Variants in DLGAP4 observed in about 807,000 individuals in gnomAD.
The protein encoded by DLGAP4 is disks large-associated protein 4.
A neutral mutation model predicts 86.9 loss-of-function variants in DLGAP4; 18 were observed. That is an observed-to-expected ratio of 0.21 (90% CI 0.14 to 0.31). The LOEUF is 0.31. Among genes scored for constraint, DLGAP4 ranks in the 10% least tolerant of loss-of-function variants. The probability of loss-of-function intolerance (pLI) is 1.00; values close to 1 mark genes in which losing one functional copy is unlikely to be tolerated. For missense variants in DLGAP4, 1,085 were observed against 1,362.6 expected (o/e 0.80, Z 3.21); for synonymous variants, 548 against 574.3 (o/e 0.95, Z 0.65).
chr20:36,335,966 G>A (rs951951746), intron 1 of DLGAP4, among the ~76,000 whole-genome samples: 9 of 152,164 alleles, frequency 5.9e-5, no homozygotes, highest in African/African-American at 1.2e-4. Context: ...GAATATTGTC[G>A]AGTGAAGGAT....
intron 7 of DLGAP4, among the ~76,000 whole-genome samples, chr20:36,484,907 T>C (rs1221499519): frequency 6.6e-6 from 1 of 152,266 alleles, no homozygotes; most frequent in Non-Finnish European, 1.5e-5. Context: ...AGGAGTTTTT[T>C]TGCCAATTGA....
At chr20:36,327,534 G>T (rs1555891093) in intron 1 of DLGAP4, among the ~76,000 whole-genome samples, 1 of 151,652 alleles carries the variant, frequency 6.6e-6, no homozygotes, top group African/African-American at 2.4e-5. Context: ...TAGGCCGAGG[G>T]ATACCTGCAT....
chr20:36,484,284 G>A (rs2035313840), intron 7 of DLGAP4, among the ~76,000 whole-genome samples: 1 of 152,236 alleles, frequency 6.6e-6, no homozygotes, highest in African/African-American at 2.4e-5. Context: ...ACAGCCAGCA[G>A]ACAGCTTCCC....
At chr20:36,328,037 A>C (rs2065233480) in intron 1 of DLGAP4, among the ~76,000 whole-genome samples, 1 of 151,464 alleles carries the variant, frequency 6.6e-6, no homozygotes, top group South Asian at 2.1e-4. Flanking sequence ...CGTCTCTACT[A>C]AAAATACAAA....
chr20:36,427,921 C>T (rs540207498), intron 2 of DLGAP4, among the ~76,000 whole-genome samples: 5 of 151,086 alleles, frequency 3.3e-5, no homozygotes, highest in East Asian at 1.9e-4. Flanking sequence ...CCAGCCTGGG[C>T]GACAAGAGCA....
At chr20:36,514,386 G>A (rs1168500210) in intron 10 of DLGAP4, among the ~76,000 whole-genome samples, 2 of 152,118 alleles carry the variant, frequency 1.3e-5, no homozygotes, top group Non-Finnish European at 1.5e-5. Flanking sequence ...GAGGGATGTA[G>A]GGTCAAAGGA....
At position 36,467,012 on chromosome 20, in the gene DLGAP4, T is replaced by TC. The variant is rs1262950144; in HGVS notation, c.1648+20076dup. The stretch of plus-strand genomic sequence containing the variant: ...CTCTGTCTCTGTCTCTCTCTCTCTC[T>TC]CTCTCCTCTCTCTCTCTCTCTCTCT... On this transcript the variant is annotated intron_variant, in intron 7 of 12. Transcript: ENST00000339266. Among the ~76,000 whole-genome samples the TC allele has an allele frequency of 1.3e-3, 159 of 126,330 alleles. 1 individual carries two copies. The highest frequency in any genetic ancestry group is 5.3e-3 in the African/African-American group (151 of 28,678). 82.9% of individuals were successfully genotyped at this position (126,330 alleles called of 152,430 possible).
At chr20:36,436,496 T>G (rs2033283766) in intron 4 of DLGAP4, 146 bp downstream of exon 4, 9 of 1,343,154 alleles carry the variant, frequency 6.7e-6, no homozygotes, top group Non-Finnish European at 8.8e-6. Context: ...CACTCATGAG[T>G]CCTGCTTCTT....
intron 2 of DLGAP4, among the ~76,000 whole-genome samples, chr20:36,379,274 G>C (rs946100827): frequency 6.6e-6 from 1 of 152,260 alleles, no homozygotes; most frequent in Non-Finnish European, 1.5e-5. Flanking sequence ...TCGAGGGCCA[G>C]GCCCATGGGA....
chr20:36,514,446 T>G (rs1804322890), intron 10 of DLGAP4, among the ~76,000 whole-genome samples: 2 of 152,270 alleles, frequency 1.3e-5, no homozygotes, highest in South Asian at 4.1e-4. Context: ...GGTCTCACTT[T>G]GTCACCCAGG....
intron 10 of DLGAP4, chr20:36,512,869 G>A (rs1234197146): frequency 6.6e-6 from 1 of 150,798 alleles, no homozygotes; most frequent in East Asian, 1.9e-4. Flanking sequence ...ATGAGCCAGA[G>A]GAGAGGGATG....
At chr20:36,512,979 TCTCA>T (rs2036805802) in intron 10 of DLGAP4, among the ~76,000 whole-genome samples, 1 of 111,066 alleles carries the variant, frequency 9.0e-6, no homozygotes, top group Non-Finnish European at 1.7e-5. Context: ...TGAGATGGGG[TCTCA>T]CTCTTTCACC....
At chr20:36,488,027 C>T (rs949044584) in intron 7 of DLGAP4, among the ~76,000 whole-genome samples, 16 of 151,734 alleles carry the variant, frequency 1.1e-4, no homozygotes, top group Non-Finnish European at 1.8e-4. Context: ...TGGTGAAACC[C>T]CGTCTCTACT....
intron 7 of DLGAP4, among the ~76,000 whole-genome samples, chr20:36,464,503 G>A (rs2034250234): frequency 1.3e-5 from 2 of 151,854 alleles, no homozygotes; most frequent in African/African-American, 4.8e-5. Flanking sequence ...TCAGGAGGTC[G>A]AGACTGCAGT....
At chr20:36,437,767 G>A (rs2033329564) in intron 4 of DLGAP4, among the ~76,000 whole-genome samples, 1 of 152,190 alleles carries the variant, frequency 6.6e-6, no homozygotes, top group Non-Finnish European at 1.5e-5. Flanking sequence ...CTGGTACCTA[G>A]GCAGGAAGAG....
At chr20:36,476,051 G>A (rs780210212) in intron 7 of DLGAP4, among the ~76,000 whole-genome samples, 23 of 151,864 alleles carry the variant, frequency 1.5e-4, no homozygotes, top group Non-Finnish European at 3.1e-4. Flanking sequence ...TAGAGACAGG[G>A]TTTCACCATG....
Position 36,370,863 on chromosome 20 carries a change from G to T in DLGAP4, c.-73+3588G>T, listed in dbSNP as rs138500361. 2.4e-3 allele frequency among the ~76,000 whole-genome samples: 369 copies of T among 152,202 alleles called. 5 individuals carry two copies. Among genetic ancestry groups the T allele is most frequent in the African/African-American group, 8.3e-3 (345 of 41,536 alleles). ...TAAAAAATTTTTAAAGGTAAAAAAC[G>T]CCATCCAGGTGAGACAGGGTCAGAC... On this transcript the variant is annotated intron_variant, in intron 2 of 12. Transcript: ENST00000339266.
At chr20:36,421,316 G>T (rs1389985714) in intron 2 of DLGAP4, among the ~76,000 whole-genome samples, 1 of 151,840 alleles carries the variant, frequency 6.6e-6, no homozygotes, top group East Asian at 2.0e-4. Flanking sequence ...AAATTGGCTG[G>T]GCGTGGTGAC....
chr20:36,461,595 G>T, intron 7 of DLGAP4: 1 of 954,240 alleles, frequency 1.0e-6, no homozygotes, highest in Non-Finnish European at 1.2e-6. Flanking sequence ...TCCTCAGCCC[G>T]GACGCCCGGG....
Sources: allele counts gnomAD v4.1 joint callset (sites outside exome capture counted in the v4.1 genomes callset), GRCh38; gene constraint gnomAD v4.1.1; transcripts MANE v1.5; gene names NCBI Gene and HGNC (gene_info 2026-07-23, HGNC 2026-07-21).